LRP1B: variants seen among roughly 807,000 people sequenced by gnomAD.
LRP1B encodes the protein low-density lipoprotein receptor-related protein 1B.
In LRP1B, 217 loss-of-function variants were observed where a neutral mutation model predicts 556.6. The observed-to-expected ratio is 0.39, with a 90% confidence interval of 0.35 to 0.44. The LOEUF is 0.44. LRP1B is among the 20% of genes least tolerant of loss of function. The pLI is 1.00. For synonymous variants in LRP1B, 2,047 were observed against 1,865.8 expected (o/e 1.10, Z -2.50); for missense variants, 5,053 against 5,620.8 (o/e 0.90, Z 3.23).
chr2:141,751,845 A>T (rs900449898), intron 2 of LRP1B, among the ~76,000 whole-genome samples: 1 of 150,618 alleles, frequency 6.6e-6, no homozygotes, highest in Non-Finnish European at 1.5e-5. Context: ...TCATATTTTC[A>T]TATCTAGTAT....
intron 3 of LRP1B, among the ~76,000 whole-genome samples, chr2:141,405,211 TG>T (rs1690591919): frequency 6.6e-6 from 1 of 152,174 alleles, no homozygotes; most frequent in Non-Finnish European, 1.5e-5. Context: ...AATTATACAG[TG>T]GGTTTTTCTT....
chr2:140,672,287 C>A (rs1033738838), intron 41 of LRP1B, among the ~76,000 whole-genome samples: 26 of 151,962 alleles, frequency 1.7e-4, no homozygotes, highest in African/African-American at 6.0e-4. Context: ...GAGTTGAGAC[C>A]AGCCTGACCA....
chr2:141,998,291 C>T (rs1292067229), intron 1 of LRP1B, among the ~76,000 whole-genome samples: 1 of 152,088 alleles, frequency 6.6e-6, no homozygotes, highest in Admixed American at 6.6e-5. Flanking sequence ...TTCTCTCTCT[C>T]TCTACTTTGA....
At chr2:141,212,394 T>C (rs911403731) in intron 6 of LRP1B, among the ~76,000 whole-genome samples, 1 of 149,164 alleles carries the variant, frequency 6.7e-6, no homozygotes, top group South Asian at 2.2e-4. Flanking sequence ...TTCTCCTGCC[T>C]CAGCCTCCCA....
intron 19 of LRP1B, 136 bp downstream of exon 19, chr2:140,951,724 C>T (rs770836805): frequency 2.5e-5 from 16 of 629,594 alleles, no homozygotes; most frequent in South Asian, 1.6e-4. Context: ...GCTAGCTGCC[C>T]GCTCACCACT....
intron 35 of LRP1B, among the ~76,000 whole-genome samples, chr2:140,719,424 G>A (rs543794004): frequency 1.9e-4 from 28 of 149,860 alleles, no homozygotes; most frequent in African/African-American, 6.6e-4. Context: ...AAAAAAAAAA[G>A]GTACCCCTTC....
chr2:142,019,715 G>A (rs1004584460), intron 1 of LRP1B, among the ~76,000 whole-genome samples: 3 of 152,114 alleles, frequency 2.0e-5, no homozygotes, highest in African/African-American at 2.4e-5. Flanking sequence ...TGCAAAGAAC[G>A]CTTTCCAACA....
At chr2:141,999,711 G>A (rs931787293) in intron 1 of LRP1B, among the ~76,000 whole-genome samples, 1 of 151,720 alleles carries the variant, frequency 6.6e-6, no homozygotes, top group African/African-American at 2.4e-5. Context: ...ATTAAAGCAA[G>A]AAACTCCTGA....
chr2:140,890,223 C>G (rs1027689016), intron 23 of LRP1B, among the ~76,000 whole-genome samples: 53 of 151,976 alleles, frequency 3.5e-4, no homozygotes, highest in African/African-American at 1.2e-3. Context: ...ATACACCAGG[C>G]TCTCAAAAGG....
At chr2:140,714,744 C>T (rs2105458105) in intron 37 of LRP1B, among the ~76,000 whole-genome samples, 1 of 152,086 alleles carries the variant, frequency 6.6e-6, no homozygotes, top group African/African-American at 2.4e-5. Context: ...TCCTTTAAGG[C>T]TATAATAATT....
chr2:140,556,527 C>T (rs1016661026), intron 43 of LRP1B, among the ~76,000 whole-genome samples: 15 of 152,044 alleles, frequency 9.9e-5, no homozygotes, highest in African/African-American at 3.4e-4. Flanking sequence ...TTCACTATTT[C>T]TTGGGTTTAT....
intron 7 of LRP1B, among the ~76,000 whole-genome samples, chr2:141,166,117 CCT>C (rs1164598974): frequency 6.6e-6 from 1 of 151,822 alleles, no homozygotes; most frequent in Non-Finnish European, 1.5e-5. Context: ...CCATAACACC[CCT>C]TTCTATCTTT....
chr2:140,840,909 A>G lies in LRP1B; in HGVS notation c.5114+9T>C. The G allele has an allele frequency of 2.6e-6, 4 of 1,564,904 alleles. No individual in the cohort carries two copies. The highest frequency in any genetic ancestry group is 3.4e-6 in the Non-Finnish European group (4 of 1,160,218). On this transcript the variant is annotated intron_variant, in intron 30 of 90. Transcript: ENST00000389484. ...TTGGAAAAACTTTAAAAAAAAAATC[A>G]TACTTTACCCCCTGACTGGGTGAGC...
At chr2:140,572,795 CATAAAATAAAATAAA>C (rs58239958) in intron 43 of LRP1B, among the ~76,000 whole-genome samples, 1 of 135,032 alleles carries the variant, frequency 7.4e-6, no homozygotes, top group Non-Finnish European at 1.6e-5. Flanking sequence ...ACTATTCAGC[CATAAAATAAAATAAA>C]ATAAAATAAA....
intron 2 of LRP1B, among the ~76,000 whole-genome samples, chr2:141,691,858 T>G (rs1040221116): frequency 1.4e-4 from 22 of 152,026 alleles, no homozygotes; most frequent in African/African-American, 5.1e-4. Context: ...TACCTCTCCA[T>G]GTGAACATCA....
chr2:141,544,372 TCTTCTTCTTCTCCTC>T (rs1559131500), intron 2 of LRP1B, among the ~76,000 whole-genome samples: 1 of 114,048 alleles, frequency 8.8e-6, no homozygotes, highest in African/African-American at 3.1e-5. Context: ...TTCTTCTTCT[TCTTCTTCTTCTCCTC>T]CTCCTCCTCC....
chr2:140,521,660 C>T (rs1196715156), intron 49 of LRP1B, among the ~76,000 whole-genome samples: 1 of 151,920 alleles, frequency 6.6e-6, no homozygotes, highest in Non-Finnish European at 1.5e-5. Flanking sequence ...AACAACACTA[C>T]AACAAGAATA....
At chr2:141,499,806 G>A (rs1046998819) in intron 2 of LRP1B, among the ~76,000 whole-genome samples, 4 of 152,156 alleles carry the variant, frequency 2.6e-5, no homozygotes, top group Admixed American at 2.0e-4. Context: ...ATTTGTGTTA[G>A]TATTCGGCAT....
chr2:141,466,610 C>T (rs1201184590), intron 3 of LRP1B, among the ~76,000 whole-genome samples: 3 of 151,996 alleles, frequency 2.0e-5, no homozygotes, highest in Admixed American at 6.6e-5. Context: ...AAATAAGTTG[C>T]TTGGTAGGGA....
Sources: allele counts gnomAD v4.1 joint callset (sites outside exome capture counted in the v4.1 genomes callset), GRCh38; gene constraint gnomAD v4.1.1; transcripts MANE v1.5; gene names NCBI Gene and HGNC (gene_info 2026-07-23, HGNC 2026-07-21).